CSMD3: variants seen among roughly 807,000 people sequenced by gnomAD.
The protein encoded by CSMD3 is CUB and Sushi multiple domains 3.
CSMD3 carries 177 observed loss-of-function variants against 435.2 expected under a neutral mutation model. That is an observed-to-expected ratio of 0.41 (90% CI 0.36 to 0.46). The LOEUF (loss-of-function observed/expected upper bound fraction) is 0.46, where lower values mean the gene tolerates loss of function less well. Among genes scored for constraint, CSMD3 ranks in the 20% least tolerant of loss-of-function variants. The pLI is 0.34. For missense variants in CSMD3, 4,265 were observed against 4,504.6 expected, an observed-to-expected ratio of 0.95 and a Z score of 1.52; for synonymous variants, 1,656 against 1,520.5, an observed-to-expected ratio of 1.09 and a Z score of -2.07.
At chr8:112,812,834 G>A (rs2079265098) in intron 12 of CSMD3, among the ~76,000 whole-genome samples, 1 of 152,076 alleles carries the variant, frequency 6.6e-6, no homozygotes, top group African/African-American at 2.4e-5. Context: ...GCTAAAATGA[G>A]ATAAAGTCCT....
At chr8:112,304,283 T>A (rs1821206261) in intron 52 of CSMD3, among the ~76,000 whole-genome samples, 1 of 151,958 alleles carries the variant, frequency 6.6e-6, no homozygotes, top group African/African-American at 2.4e-5. Context: ...TGATAAAAAG[T>A]CAAGGGTTTT....
intron 1 of CSMD3, chr8:113,376,993 G>T: frequency 8.9e-7 from 1 of 1,120,280 alleles, no homozygotes; most frequent in Non-Finnish European, 1.2e-6. Context: ...GACCAGCCGG[G>T]CCCGCAGCCA....
chr8:112,693,806 T>C (rs1014928969), intron 13 of CSMD3, among the ~76,000 whole-genome samples: 32 of 151,874 alleles, frequency 2.1e-4, no homozygotes, highest in African/African-American at 7.5e-4. Context: ...TTAGCCCTCA[T>C]GTTGCGCAAA....
At chr8:112,495,919 T>C (rs1821285559) in intron 30 of CSMD3, among the ~76,000 whole-genome samples, 2 of 151,150 alleles carry the variant, frequency 1.3e-5, no homozygotes, top group South Asian at 2.1e-4. Context: ...AATAGATGTA[T>C]ATGTATATAT....
intron 5 of CSMD3, among the ~76,000 whole-genome samples, chr8:113,084,473 T>C (rs1052440036): frequency 1.3e-5 from 2 of 151,844 alleles, no homozygotes; most frequent in Non-Finnish European, 2.9e-5. Context: ...AATGGAAAGG[T>C]ATCCCATGCT....
chr8:112,887,414 C>A (rs552968884), intron 10 of CSMD3, among the ~76,000 whole-genome samples: 1 of 151,056 alleles, frequency 6.6e-6, no homozygotes, highest in African/African-American at 2.4e-5. Context: ...TTAGTCATTG[C>A]AGCTCTTTTT....
At chr8:112,324,654 G>C (rs1823326390) in intron 45 of CSMD3, among the ~76,000 whole-genome samples, 2 of 151,682 alleles carry the variant, frequency 1.3e-5, no homozygotes, top group Non-Finnish European at 2.9e-5. Context: ...ATCGAAAAGA[G>C]CAAAAATCAG....
At chr8:112,889,903 T>C (rs1046434762) in intron 10 of CSMD3, among the ~76,000 whole-genome samples, 1 of 151,584 alleles carries the variant, frequency 6.6e-6, no homozygotes, top group East Asian at 2.0e-4. Context: ...GCCTTGAGTG[T>C]TCCCCATGTA....
At chr8:112,983,822 G>C (rs1470559775) in intron 6 of CSMD3, among the ~76,000 whole-genome samples, 1 of 151,956 alleles carries the variant, frequency 6.6e-6, no homozygotes, top group Non-Finnish European at 1.5e-5. Flanking sequence ...AGGAAGGGCT[G>C]CCATTCTGGA....
chr8:112,420,860 A>C (rs1812419571), intron 32 of CSMD3, among the ~76,000 whole-genome samples: 1 of 151,918 alleles, frequency 6.6e-6, no homozygotes, highest in African/African-American at 2.4e-5. Flanking sequence ...GGACTTTGAC[A>C]CACAATTTAG....
At chr8:113,247,259 G>A (rs1002429021) in intron 3 of CSMD3, among the ~76,000 whole-genome samples, 1 of 152,144 alleles carries the variant, frequency 6.6e-6, no homozygotes, top group African/African-American at 2.4e-5. Flanking sequence ...CCACTGAGCA[G>A]TTCTGGCTCA....
chr8:112,861,747 G>T (rs1174786213), intron 10 of CSMD3, among the ~76,000 whole-genome samples: 1 of 151,884 alleles, frequency 6.6e-6, no homozygotes, highest in African/African-American at 2.4e-5. Context: ...GACCTTTATA[G>T]AAATGAGAAA....
intron 10 of CSMD3, among the ~76,000 whole-genome samples, chr8:112,910,810 A>G (rs2082390176): frequency 1.3e-5 from 2 of 152,012 alleles, no homozygotes; most frequent in African/African-American, 4.8e-5. Flanking sequence ...TTATTTCTCA[A>G]TTATTAGCCA....
At chr8:112,905,321 T>TATAC (rs5894119) in intron 10 of CSMD3, among the ~76,000 whole-genome samples, 98,014 of 145,492 alleles carry the variant, frequency 0.67, 33,060 homozygotes, top group East Asian at 0.9. Context: ...TATATATATA[T>TATAC]ACACACACAC....
Position 112,650,214 on chromosome 8 carries a change from G to T in CSMD3, c.3140C>A (p.Pro1047His), listed in dbSNP as rs2075089300. ...CCAGTGGTTTTTTTCGCATAGAAGG[G>T]GCTCTTCATGACTCAACCTGTATCC... Reference protein sequence around the residue: ...DSGYRLSHEEPLLCEKNHWWS... With the variant: ...DSGYRLSHEEHLLCEKNHWWS... The change falls in exon 19 of 71, where the codon CCC (proline) becomes CAC (histidine). Residue 1047 changes from proline to histidine, a missense_variant. Pro to His is a moderately conservative substitution (Grantham distance 77). Coordinates refer to ENST00000297405, the MANE Select transcript of CSMD3 (RefSeq NM_198123.2). The T allele has an allele frequency of 3.7e-6, 6 of 1,613,888 alleles. No individual in the cohort carries two copies. The East Asian group carries it at 1.3e-4, about 36-fold the overall frequency.
At chr8:112,668,774 G>A (rs1031305898) in intron 16 of CSMD3, among the ~76,000 whole-genome samples, 2 of 151,792 alleles carry the variant, frequency 1.3e-5, no homozygotes, top group African/African-American at 4.8e-5. Context: ...CAAGAGGGGA[G>A]AGACATGCTT....
Position 112,374,143 on chromosome 8 carries a change from A to G in CSMD3, c.6136+6209T>C, listed in dbSNP as rs534865099. ...TCTCCCGAATTTAAACTCAATACTT[A>G]GCAAATATTATGTTAATGTCCTTAC... On this transcript the variant is annotated intron_variant, in intron 38 of 70. Transcript: ENST00000297405. Among the ~76,000 whole-genome samples the G allele has an allele frequency of 1.8e-3, 267 of 152,298 alleles. 2 individuals carry two copies. Among genetic ancestry groups the G allele is most frequent in the Non-Finnish European group, 2.6e-3 (177 of 68,028 alleles).
intron 13 of CSMD3, among the ~76,000 whole-genome samples, chr8:112,759,539 G>A (rs1587203753): frequency 6.6e-6 from 1 of 152,008 alleles, no homozygotes; most frequent in African/African-American, 2.4e-5. Context: ...AATTCTATTT[G>A]GTTCTTACTA....
chr8:112,327,997 A>C (rs1043253415), intron 45 of CSMD3, among the ~76,000 whole-genome samples: 1 of 152,366 alleles, frequency 6.6e-6, no homozygotes, highest in African/African-American at 2.4e-5. Flanking sequence ...AAAACAGAAC[A>C]CTGGCAAATT....
Sources: gnomAD v4.1 joint callset for allele counts (sites outside exome capture counted in the v4.1 genomes callset) on GRCh38, gnomAD v4.1.1 for gene constraint, MANE v1.5 for transcripts, NCBI Gene and HGNC (gene_info 2026-07-23, HGNC 2026-07-21) for gene names.